Variants in NBPF19 observed in about 807,000 individuals in gnomAD.
The protein encoded by NBPF19 is NBPF member 19, also known as NBPF family member NBPF19.
Under a neutral mutation model 45.9 loss-of-function variants are expected in NBPF19, and 30 were observed. The observed-to-expected ratio is 0.65, with a 90% CI of 0.49 to 0.89. The LOEUF is 0.89. Ranked by LOEUF, NBPF19 falls within the 40% of genes least tolerant of loss-of-function variation. The probability of loss-of-function intolerance (pLI) is 0.00; values close to 1 mark genes in which losing one functional copy is unlikely to be tolerated. For missense variants in NBPF19, 495 were observed against 471.8 expected, an observed-to-expected ratio of 1.05 and a Z score of -0.46; for synonymous variants, 183 against 181.2, an observed-to-expected ratio of 1.01 and a Z score of -0.08.
rs1291487566 is a variant in NBPF19 at position 149,490,824 on chromosome 1, C to T, written c.1491-315C>T. 5.3e-3 allele frequency among the ~76,000 whole-genome samples: 515 copies of T among 97,814 alleles called. No individual in the cohort carries two copies. In the East Asian group the frequency reaches 0.063, roughly 12 times the overall value. The allele number at this position is 97,814 out of a possible 152,430, so 64.2% of individuals were successfully genotyped here. A position where few individuals can be genotyped will look rare whatever the true frequency, so the allele number is the denominator to read the frequency against. ...ATGCTGTGTGTCCTGAGGGCACTAA[C>T]TCAGAGTGTCCTGTTACTCCCTCAT... On this transcript the variant is annotated intron_variant, in intron 13 of 93. Transcript: ENST00000651566.
chr1:149,483,649 G>A (rs1440042613), intron 7 of NBPF19, among the ~76,000 whole-genome samples: 2 of 147,494 alleles, frequency 1.4e-5, no homozygotes, highest in Non-Finnish European at 3.0e-5. Flanking sequence ...AGTTTGGCAT[G>A]TTTTTGCAGT....
Position 149,556,329 on chromosome 1 carries a change from C to G in NBPF19, c.*1591C>G, listed in dbSNP as rs1367813100. ...TTATGCTGATTGGTTTTGGTGGGTA[C>G]TGATGTGAATTAATAAAAACATTTC... On this transcript the variant is annotated 3_prime_UTR_variant, in exon 94 of 94. Transcript: ENST00000651566. The G allele has an allele frequency of 2.0e-5, 3 of 149,788 alleles. No homozygotes were observed. The highest frequency in any genetic ancestry group is 2.1e-4 in the South Asian group (1 of 4,744). The allele number at this position is 149,788 out of a possible 1,614,324, so 9.3% of individuals were successfully genotyped here.
Position 149,478,030 on chromosome 1 carries a change from G to A in NBPF19, c.261G>A (p.Lys87=), listed in dbSNP as rs1420733355. Reference sequence around the variant, plus strand: ...AGGAGAAGCTTGCAGAGCAGCTGAAGCAAGCTGAGGAGCTCAGGTGAGGGG... The same window carrying A: ...AGGAGAAGCTTGCAGAGCAGCTGAAACAAGCTGAGGAGCTCAGGTGAGGGG... ...FKEEKLAEQL[K]QAEELRQYKV... is the part of the protein sequence containing the mutation. The change falls in exon 3 of 94, where the codon AAG becomes AAA. Residue 87 remains lysine, a synonymous_variant. Coordinates refer to ENST00000651566, the MANE Select transcript of NBPF19 (RefSeq NM_001351365.2). 149 of 1,564,692 alleles carry A rather than the reference G, an allele frequency of 9.5e-5. No homozygotes were observed. The highest frequency in any genetic ancestry group is 2.3e-4 in the Middle Eastern group (1 of 4,402).
intron 13 of NBPF19, among the ~76,000 whole-genome samples, chr1:149,490,898 C>CTGTGTGTGTGTGTGTGTGTGTGCG (rs2085824728): frequency 2.3e-4 from 29 of 124,706 alleles, no homozygotes; most frequent in African/African-American, 7.9e-4. Flanking sequence ...CTCTCTCTCT[C>CTGTGTGTGTGTGTGTGTGTGTGCG]TGTGTGTGTG....
Position 149,488,043 on chromosome 1 carries a change from G to A in NBPF19, c.1071G>A (p.Gly357=), listed in dbSNP as rs2085722560. 5.8e-6 allele frequency: 4 copies of A among 686,644 alleles called. No homozygotes were observed. In the Admixed American group the frequency reaches 8.6e-5, roughly 15 times the overall value. The allele number at this position is 686,644 out of a possible 1,614,324, so 42.5% of individuals were successfully genotyped here. Residue 357 remains glycine (G), a synonymous_variant, in exon 10 of 94, where the codon GGG becomes GGA. Transcript: ENST00000651566. The part of the protein sequence containing the change: ...RLSRELLDEK[G]PEVLQDSLDR... ...GCAGGGAGCTGCTGGATGAGAAAGGGCCTGAAGTCTTGCAGGACTCACTGG... is the reference window on the plus strand; with the variant it reads ...GCAGGGAGCTGCTGGATGAGAAAGGACCTGAAGTCTTGCAGGACTCACTGG...
Position 149,478,942 on chromosome 1 carries a change from G to T in NBPF19, c.341G>T (p.Arg114Leu). Reference sequence around the variant, plus strand: ...CTGACCCAGTTAAGGGAGAAGTTACGGGAAGGGAGAGATGCCTCCCGCTCA... The same window carrying T: ...CTGACCCAGTTAAGGGAGAAGTTACTGGAAGGGAGAGATGCCTCCCGCTCA... ...RELTQLREKL[R>L]EGRDASRSLN... Residue 114 changes from arginine to leucine, a missense_variant, in exon 4 of 94, where the codon CGG becomes CTG. Around this residue, in one of 8 missense-constraint regions of NBPF19, gnomAD observed 69 missense variants for 87.8 expected, o/e 0.79. Coordinates refer to ENST00000651566, the MANE Select transcript of NBPF19 (RefSeq NM_001351365.2). 1 of 1,605,928 alleles carries T rather than the reference G, an allele frequency of 6.2e-7. No individual in the cohort carries two copies.
chr1:149,487,521 T>C lies in NBPF19; in HGVS notation c.1040+138T>C, dbSNP rs1401295695. The C allele has an allele frequency of 1.9e-5, 19 of 1,000,688 alleles. 1 individual carries two copies. The highest frequency in any genetic ancestry group is 3.0e-5 in the Non-Finnish European group (19 of 636,266). The allele number at this position is 1,000,688 out of a possible 1,614,324, so 62.0% of individuals were successfully genotyped here. ...AATTATGCCTAATACATTGCTTTTT[T>C]GTTCTCATTAGAGTAAATGTTTAGG... On this transcript the variant is annotated intron_variant, in intron 9 of 93. Coordinates refer to ENST00000651566, the MANE Select transcript of NBPF19 (RefSeq NM_001351365.2).
chr1:149,487,734 C>G (rs1353580561), intron 9 of NBPF19, among the ~76,000 whole-genome samples: 1 of 150,052 alleles, frequency 6.7e-6, no homozygotes, highest in Non-Finnish European at 1.5e-5. Flanking sequence ...TCCTTTGACT[C>G]CCTCATCAGT....
chr1:149,487,593 G>T, intron 9 of NBPF19, among the ~76,000 whole-genome samples: 1 of 150,760 alleles, frequency 6.6e-6, no homozygotes, highest in East Asian at 2.0e-4. Context: ...AGTGAAAGTT[G>T]ACCATACCTC....
At position 149,554,761 on chromosome 1, in the gene NBPF19, A is replaced by G. The variant is rs1381450554; in HGVS notation, c.*23A>G. On this transcript the variant is annotated 3_prime_UTR_variant, in exon 94 of 94. Transcript: ENST00000651566. Reference sequence around the variant, plus strand: ...TAGGCAGCCCTTACTAAGCCGAGAGATGTCATTCCTGCAGGCAGGACCTAT... The same window carrying G: ...TAGGCAGCCCTTACTAAGCCGAGAGGTGTCATTCCTGCAGGCAGGACCTAT... 10 of 1,607,598 alleles carry G rather than the reference A, an allele frequency of 6.2e-6. No homozygotes were observed. The highest frequency in any genetic ancestry group is 2.7e-5 in the African/African-American group (2 of 74,632).
Position 149,554,595 on chromosome 1 carries a change from T to G in NBPF19, c.11389T>G (p.Ser3797Ala), listed in dbSNP as rs2087198610. The G allele has an allele frequency of 5.0e-6, 8 of 1,608,218 alleles. No homozygotes were observed. The highest frequency in any genetic ancestry group is 6.8e-6 in the Non-Finnish European group (8 of 1,176,796). ...GTCAATGTACTTTGAACTACCTGAC[T>G]CATTCCAGCACTACAGAAGTGTGTT... ...TPSMYFELPDSFQHYRSVFYS... is the reference protein window; with the variant it reads ...TPSMYFELPDAFQHYRSVFYS... The change falls in exon 94 of 94, where the codon TCA (serine) becomes GCA (alanine). Residue 3797 changes from serine (S) to alanine (A), a missense_variant. By Grantham distance (99) the Ser-to-Ala change is moderately conservative. Around this residue, in one of 8 missense-constraint regions of NBPF19, gnomAD observed 248 missense variants for 95.4 expected, o/e 2.60. Coordinates refer to ENST00000651566, the MANE Select transcript of NBPF19 (RefSeq NM_001351365.2).
chr1:149,495,651 CTCTCTGTG>C (rs2086066382), intron 19 of NBPF19, among the ~76,000 whole-genome samples: 6 of 53,136 alleles, frequency 1.1e-4, no homozygotes, highest in African/African-American at 4.3e-4. Context: ...CTCTCTCTCT[CTCTCTGTG>C]TGTGTGTGTG....
At chr1:149,487,292 A>C in intron 8 of NBPF19, 40 bp from the exon 9 acceptor site, 1 of 1,465,000 alleles carries the variant, frequency 6.8e-7, no homozygotes, top group Non-Finnish European at 9.4e-7. Flanking sequence ...TGTGCAAGGA[A>C]GAACTTAATG....
intron 9 of NBPF19, among the ~76,000 whole-genome samples, chr1:149,487,736 C>A: frequency 6.7e-6 from 1 of 150,160 alleles, no homozygotes; most frequent in African/African-American, 2.4e-5. Flanking sequence ...CTTTGACTCC[C>A]TCATCAGTGT....
rs1469882007 is a variant in NBPF19 at position 149,556,157 on chromosome 1, G to A, written c.*1419G>A. On this transcript the variant is annotated 3_prime_UTR_variant, in exon 94 of 94. Transcript: ENST00000651566. ...TTTTACTGTGCCTTTGTTTTTACTA[G>A]TGTCTGCTGTTGCAAAAAGAAGAAA... The A allele has an allele frequency of 6.8e-6, 1 of 147,566 alleles. No homozygotes were observed. The highest frequency in any genetic ancestry group is 1.5e-5 in the Non-Finnish European group (1 of 66,822). The allele number at this position is 147,566 out of a possible 1,614,324, so 9.1% of individuals were successfully genotyped here.
At position 149,554,792 on chromosome 1, in the gene NBPF19, C is replaced by A. The variant is rs1389119570; in HGVS notation, c.*54C>A. On this transcript the variant is annotated 3_prime_UTR_variant, in exon 94 of 94. Transcript: ENST00000651566. ...TTCCTGCAGGCAGGACCTATAGGCA[C>A]GTGAAGATTTGAATGAAACTACAGT... The A allele has an allele frequency of 1.2e-5, 19 of 1,605,314 alleles. No individual in the cohort carries two copies. The highest frequency in any genetic ancestry group is 4.5e-5 in the East Asian group (2 of 44,826).
intron 8 of NBPF19, among the ~76,000 whole-genome samples, 187 bp from the exon 9 acceptor site, chr1:149,487,145 A>G (rs2085575808): frequency 6.6e-6 from 1 of 151,142 alleles, no homozygotes; most frequent in Non-Finnish European, 1.5e-5. Flanking sequence ...ATTTTGCCCA[A>G]GGCTCATGAA....
chr1:149,528,968 T>C (rs1460504789), intron 61 of NBPF19, among the ~76,000 whole-genome samples: 2 of 133,132 alleles, frequency 1.5e-5, no homozygotes, highest in African/African-American at 6.0e-5. Flanking sequence ...TGTGTGTGTG[T>C]GTGTGTGTCT....
At position 149,554,651 on chromosome 1, in the gene NBPF19, C is replaced by T. The variant is rs1224676754; in HGVS notation, c.11445C>T (p.Phe3815=). 602 of 1,608,290 alleles carry T rather than the reference C, an allele frequency of 3.7e-4. 17 individuals are homozygous for T. In the African/African-American group the frequency reaches 4.9e-3, roughly 13 times the overall value. ...CATTTGAGGAAGAGCATATCAGCTT[C>T]GCCCTTTACTTGGACAATAGGTTTT... The part of the protein sequence containing the change: ...FYSFEEEHIS[F]ALYLDNRFFT... The change falls in exon 94 of 94, where the codon TTC becomes TTT. Residue 3815 remains phenylalanine, a synonymous_variant. Transcript: ENST00000651566.
Sources: gnomAD v4.1 joint callset for allele counts (sites outside exome capture counted in the v4.1 genomes callset) on GRCh38, gnomAD v4.1.1 for gene constraint, gnomAD v4.1.1 regional missense constraint, MANE v1.5 for transcripts, NCBI Gene and HGNC (gene_info 2026-07-23, HGNC 2026-07-21) for gene names.